Variants in TMTC1 observed in about 807,000 individuals in gnomAD.
TMTC1 encodes the protein protein O-mannosyl-transferase TMTC1.
A neutral mutation model predicts 104.8 loss-of-function variants in TMTC1; 73 were observed. The observed-to-expected ratio is 0.70, with a 90% confidence interval of 0.58 to 0.85. The LOEUF (loss-of-function observed/expected upper bound fraction) is 0.85. TMTC1 is among the 40% of genes least tolerant of loss of function. TMTC1 has a pLI of 0.00. For synonymous variants in TMTC1, 434 were observed against 428.7 expected (o/e 1.01, Z -0.15); for missense variants, 1,035 against 1,096.1 (o/e 0.94, Z 0.79).
At chr12:29,740,097 G>A (rs1017186951) in intron 5 of TMTC1, among the ~76,000 whole-genome samples, 1 of 152,106 alleles carries the variant, frequency 6.6e-6, no homozygotes, top group Non-Finnish European at 1.5e-5. Flanking sequence ...GTTTACTCTA[G>A]GCAGGAATTC....
At position 29,783,179 on chromosome 12, in the gene TMTC1, C is replaced by G. The variant is rs1943874261; in HGVS notation, c.302+271G>C. The G allele has an allele frequency of 2.7e-6, 1 of 369,938 alleles. No individual in the cohort carries two copies. Among genetic ancestry groups the G allele is most frequent in the South Asian group, 1.5e-4 (1 of 6,788 alleles). The allele number at this position is 369,938 out of a possible 1,614,324, so 22.9% of individuals were successfully genotyped here. A position where few individuals can be genotyped will look rare whatever the true frequency, so the allele number is the denominator to read the frequency against. Reference sequence around the variant, plus strand: ...CACCAGCCCGCTCCCAGCCCTGCCTCGAGAGAGAAGCCCGCTGAGAGGGCA... The same window carrying G: ...CACCAGCCCGCTCCCAGCCCTGCCTGGAGAGAGAAGCCCGCTGAGAGGGCA... On this transcript the variant is annotated intron_variant, in intron 1 of 17. Coordinates refer to ENST00000539277, the MANE Select transcript of TMTC1 (RefSeq NM_001193451.2). The surrounding 1 kb of genome is among the most constrained non-coding windows in gnomAD (Gnocchi z 4.7).
chr12:29,518,490 G>C lies in TMTC1; in HGVS notation c.2006C>G (p.Ala669Gly). ...ACTTTACCGCTTGTACCATTCTTCA[G>C]CCATGCTGTTCTCTCCCAGTGACCT... ...LYRSLGENSMAEEWYKRALQV... is the reference protein window; with the variant it reads ...LYRSLGENSMGEEWYKRALQV... The change falls in exon 13 of 18, where the codon GCT becomes GGT. Residue 669 changes from alanine to glycine, a missense_variant. Ala to Gly is a moderately conservative substitution (Grantham distance 60). Transcript: ENST00000539277. 6.2e-7 allele frequency: 1 copy of C among 1,613,846 alleles called. No homozygotes were observed. Among genetic ancestry groups the C allele is most frequent in the Non-Finnish European group, 8.5e-7 (1 of 1,179,836 alleles).
intron 5 of TMTC1, among the ~76,000 whole-genome samples, 176 bp downstream of exon 5, chr12:29,751,490 T>A (rs1943088552): frequency 1.3e-5 from 2 of 151,676 alleles, no homozygotes; most frequent in African/African-American, 4.9e-5. Flanking sequence ...TCCATTAGAA[T>A]ATAGGGAAGG....
chr12:29,661,556 G>A (rs1215879194), intron 5 of TMTC1, among the ~76,000 whole-genome samples: 1 of 94,380 alleles, frequency 1.1e-5, no homozygotes, highest in Non-Finnish European at 2.3e-5. Flanking sequence ...CGAGTAGTTG[G>A]GACTACAGGT....
intron 5 of TMTC1, among the ~76,000 whole-genome samples, chr12:29,643,719 T>TTTATATATTTATTATA (rs1939052702): frequency 6.9e-4 from 1 of 1,440 alleles, no homozygotes; most frequent in Non-Finnish European, 1.1e-3. Context: ...ATATATATAA[T>TTTATATATTTATTATA]ATATAAATAT....
chr12:29,666,186 T>C (rs1160464843), intron 5 of TMTC1: 1 of 433,792 alleles, frequency 2.3e-6, no homozygotes, highest in Non-Finnish European at 4.5e-6. Context: ...AATCAAATTG[T>C]AAACATCTAC....
At position 29,783,598 on chromosome 12, in the gene TMTC1, C is replaced by A; in HGVS notation, c.154G>T (p.Asp52Tyr). The A allele has an allele frequency of 1.4e-6, 2 of 1,477,802 alleles. No individual in the cohort carries two copies. Among genetic ancestry groups the A allele is most frequent in the African/African-American group, 1.4e-5 (1 of 69,336 alleles). The allele number at this position is 1,477,802 out of a possible 1,614,324, so 91.5% of individuals were successfully genotyped here. The change falls in exon 1 of 18, where the codon GAC (aspartate) becomes TAC (tyrosine). Residue 52 changes from aspartate to tyrosine, a missense_variant. Transcript: ENST00000539277. This position sits in a 1 kb window ranked among gnomAD's most constrained non-coding sequence, Gnocchi z 4.7. ...GRSLQGEFVH[D>Y]DVWAIVNNPD... Reference sequence around the variant, plus strand: ...TTGTTCACGATCGCCCACACGTCGTCGTGCACGAACTCGCCCTGCAGGGAG... The same window carrying A: ...TTGTTCACGATCGCCCACACGTCGTAGTGCACGAACTCGCCCTGCAGGGAG...
chr12:29,710,605 A>AT (rs918897628), intron 5 of TMTC1, among the ~76,000 whole-genome samples: 1 of 142,180 alleles, frequency 7.0e-6, no homozygotes, highest in Admixed American at 7.2e-5. Context: ...TATACTTATA[A>AT]TTTTTTATAT....
chr12:29,666,295 T>C, intron 5 of TMTC1: 1 of 386,598 alleles, frequency 2.6e-6, no homozygotes, highest in South Asian at 1.9e-5. Flanking sequence ...TGGCACAATC[T>C]CGGCTCACTG....
In TMTC1 at chr12:29,626,699, A is replaced by C. The variant is rs967769784; in HGVS notation, c.1128+6448T>G. Among the ~76,000 whole-genome samples, 6 of 151,546 alleles carry C rather than the reference A, an allele frequency of 4.0e-5. No individual in the cohort carries two copies. In the South Asian group the frequency reaches 8.3e-4, roughly 21 times the overall value. On this transcript the variant is annotated intron_variant, in intron 6 of 17. Coordinates refer to ENST00000539277, the MANE Select transcript of TMTC1 (RefSeq NM_001193451.2). Reference sequence around the variant, plus strand: ...CTAAAACCACAAAACTCTTAGAAGAAAACAGTCATAAATCTTCATGACCTT... The same window carrying C: ...CTAAAACCACAAAACTCTTAGAAGACAACAGTCATAAATCTTCATGACCTT...
chr12:29,678,803 TA>T (rs903743789), intron 5 of TMTC1, among the ~76,000 whole-genome samples: 2 of 152,004 alleles, frequency 1.3e-5, no homozygotes, highest in African/African-American at 4.8e-5. Context: ...AACACTACAT[TA>T]AAAAAACTAT....
At chr12:29,684,929 G>A (rs932730454) in intron 5 of TMTC1, among the ~76,000 whole-genome samples, 2 of 152,084 alleles carry the variant, frequency 1.3e-5, no homozygotes, top group African/African-American at 4.8e-5. Flanking sequence ...CTGTTCAGAC[G>A]TGGTATGTTG....
intron 10 of TMTC1, among the ~76,000 whole-genome samples, chr12:29,543,722 T>A (rs1944865318): frequency 6.6e-6 from 1 of 152,206 alleles, no homozygotes; most frequent in African/African-American, 2.4e-5. Flanking sequence ...AGCACACATG[T>A]TTCTGTAGCT....
chr12:29,608,629 T>C (rs924141485), intron 6 of TMTC1, among the ~76,000 whole-genome samples: 1 of 152,182 alleles, frequency 6.6e-6, no homozygotes, highest in Non-Finnish European at 1.5e-5. Flanking sequence ...GTGTGATAGA[T>C]TCGCTATTAT....
rs116611090 is a variant in TMTC1, at chr12:29,769,214, T to G, written c.303-1139A>C. Among the ~76,000 whole-genome samples, 380 of 152,302 alleles carry G rather than the reference T, an allele frequency of 2.5e-3. 2 individuals carry two copies. The highest frequency in any genetic ancestry group is 8.9e-3 in the African/African-American group (372 of 41,566). ...TACAGAATTTTAAACATCTCAAGAT[T>G]TATTTGGACATATGAATGCAAATGT... On this transcript the variant is annotated intron_variant, in intron 1 of 17. Coordinates refer to ENST00000539277, the MANE Select transcript of TMTC1 (RefSeq NM_001193451.2).
chr12:29,581,984 G>T (rs1486615778), intron 8 of TMTC1, among the ~76,000 whole-genome samples: 3 of 152,122 alleles, frequency 2.0e-5, no homozygotes, highest in East Asian at 1.9e-4. Flanking sequence ...AAAAAAAGAT[G>T]CATTAAAAAC....
chr12:29,544,310 C>T (rs1944884073), intron 10 of TMTC1, among the ~76,000 whole-genome samples: 1 of 151,940 alleles, frequency 6.6e-6, no homozygotes, highest in African/African-American at 2.4e-5. Flanking sequence ...GTGGCACTGG[C>T]CTAACAGTTA....
At chr12:29,633,395 G>A (rs1337898250) in intron 5 of TMTC1, 59 bp from the exon 6 acceptor site, 10 of 1,381,312 alleles carry the variant, frequency 7.2e-6, no homozygotes, top group African/African-American at 2.9e-5. Flanking sequence ...TTCTGTAAGC[G>A]TTCAGTCACC....
intron 10 of TMTC1, among the ~76,000 whole-genome samples, chr12:29,548,990 T>A (rs10843444): frequency 0.094 from 13,629 of 144,946 alleles, 2,125 homozygotes; most frequent in African/African-American, 0.32. Context: ...TAAATTAAAT[T>A]AAATATATAA....
Sources: gnomAD v4.1 joint callset for allele counts (sites outside exome capture counted in the v4.1 genomes callset) on GRCh38, gnomAD v4.1.1 for gene constraint, Gnocchi (gnomAD v3.1) non-coding constraint, MANE v1.5 for transcripts, NCBI Gene and HGNC (gene_info 2026-07-23, HGNC 2026-07-21) for gene names.